Variants in FAT4 observed in about 807,000 individuals in gnomAD.
FAT4 encodes FAT atypical cadherin 4.
FAT4 carries 84 observed loss-of-function variants against 303.9 expected under a neutral mutation model. That is an observed-to-expected ratio of 0.28 (90% CI 0.23 to 0.33). The LOEUF (loss-of-function observed/expected upper bound fraction) is 0.33, where lower values mean the gene tolerates loss of function less well. Among genes scored for constraint, FAT4 ranks in the 10% least tolerant of loss-of-function variants. The pLI, the probability that FAT4 is intolerant of heterozygous loss-of-function variation, is 1.00. For missense variants in FAT4, 6,005 were observed against 6,146.8 expected, an observed-to-expected ratio of 0.98 and a Z score of 0.77; for synonymous variants, 2,307 against 2,298.8, an observed-to-expected ratio of 1.00 and a Z score of -0.10.
At chr4:125,352,044 G>A (rs753737784) in intron 2 of FAT4, among the ~76,000 whole-genome samples, 1 of 151,588 alleles carries the variant, frequency 6.6e-6, no homozygotes, top group Non-Finnish European at 1.5e-5. Context: ...ATTTATTGTA[G>A]TATAACTTTT....
At chr4:125,466,143 C>T (rs530302199) in intron 11 of FAT4, among the ~76,000 whole-genome samples, 154 of 152,282 alleles carry the variant, frequency 1.0e-3, no homozygotes, top group African/African-American at 3.6e-3. Flanking sequence ...ATTTAAATTA[C>T]ATCTTAGGAA....
chr4:125,436,506 T>A (rs1433718842), intron 8 of FAT4, among the ~76,000 whole-genome samples: 1 of 152,148 alleles, frequency 6.6e-6, no homozygotes, highest in Non-Finnish European at 1.5e-5. Flanking sequence ...TTAAAACCAA[T>A]AAACTGAATG....
At chr4:125,364,626 A>G (rs1213256348) in intron 2 of FAT4, among the ~76,000 whole-genome samples, 1 of 152,046 alleles carries the variant, frequency 6.6e-6, no homozygotes, top group Non-Finnish European at 1.5e-5. Context: ...AGTGGTCAGG[A>G]GTCAGTTTTC....
intron 2 of FAT4, among the ~76,000 whole-genome samples, chr4:125,394,364 C>T (rs1049575057): frequency 3.3e-5 from 5 of 152,128 alleles, no homozygotes; most frequent in Non-Finnish European, 7.4e-5. Context: ...CCAGTCTAAA[C>T]AAATGTAAAG....
At position 125,450,777 on chromosome 4, in the gene FAT4, G is replaced by A; in HGVS notation, c.9767G>A (p.Gly3256Asp). ...AACACAGGAGTCATAACCACTCAAG[G>A]CTTCTTGGATTTTGAAACCAAGCAG... is the stretch of plus-strand genomic sequence containing the variant. ...DPNTGVITTQGFLDFETKQSY... is the reference protein window; with the variant it reads ...DPNTGVITTQDFLDFETKQSY... Residue 3256 changes from glycine (G) to aspartate (D), a missense_variant, in exon 10 of 18, where the codon GGC becomes GAC. Gly to Asp is a moderately conservative substitution (Grantham distance 94). Transcript: ENST00000394329. 1 of 1,614,050 alleles carries A rather than the reference G, an allele frequency of 6.2e-7. No individual in the cohort carries two copies. Among genetic ancestry groups the A allele is most frequent in the Non-Finnish European group, 8.5e-7 (1 of 1,179,998 alleles).
At chr4:125,371,148 C>CAAAAAAA (rs1197394937) in intron 2 of FAT4, among the ~76,000 whole-genome samples, 1 of 98,010 alleles carries the variant, frequency 1.0e-5, no homozygotes, top group African/African-American at 4.0e-5. Flanking sequence ...AACTCCATCT[C>CAAAAAAA]AAAAAAAAAA....
At chr4:125,378,331 T>C (rs1293930284) in intron 2 of FAT4, among the ~76,000 whole-genome samples, 2 of 152,102 alleles carry the variant, frequency 1.3e-5, no homozygotes, top group Non-Finnish European at 2.9e-5. Context: ...ATTTATCACC[T>C]ATAACAGACA....
chr4:125,356,549 G>GTTTTTTTTTTT (rs57855830), intron 2 of FAT4, among the ~76,000 whole-genome samples: 10 of 131,440 alleles, frequency 7.6e-5, no homozygotes, highest in Non-Finnish European at 1.3e-4. Context: ...TTTGTTTTTT[G>GTTTTTTTTTTT]TTTTTTTTTT....
Position 125,449,794 on chromosome 4 carries a change from G to T in FAT4, c.8784G>T (p.Glu2928Asp), listed in dbSNP as rs906201217. 1.2e-6 allele frequency: 2 copies of T among 1,613,778 alleles called. No homozygotes were observed. Among genetic ancestry groups the T allele is most frequent in the Non-Finnish European group, 1.7e-6 (2 of 1,179,896 alleles). ...EYFRINATTG[E>D]IFNKQILKYQ... is the part of the protein sequence containing the mutation. ...TCAGGATTAATGCCACCACTGGAGA[G>T]ATTTTCAATAAACAGATCTTAAAAT... is the stretch of plus-strand genomic sequence containing the variant. The change falls in exon 10 of 18, where the codon GAG (glutamate) becomes GAT (aspartate). Residue 2928 changes from glutamate to aspartate, a missense_variant. Transcript: ENST00000394329.
At chr4:125,432,229 T>G (rs751947919) in intron 7 of FAT4, among the ~76,000 whole-genome samples, 4 of 152,108 alleles carry the variant, frequency 2.6e-5, no homozygotes, top group Non-Finnish European at 4.4e-5. Context: ...TTCCAGCTTC[T>G]TGTCAGTGGT....
chr4:125,345,523 ATGT>A (rs1344719735), intron 2 of FAT4, among the ~76,000 whole-genome samples: 1 of 151,544 alleles, frequency 6.6e-6, no homozygotes, highest in African/African-American at 2.4e-5. Flanking sequence ...AATTTTGTTG[ATGT>A]TGTTATTACT....
intron 7 of FAT4, among the ~76,000 whole-genome samples, chr4:125,428,755 A>T (rs1725184595): frequency 6.6e-6 from 1 of 152,174 alleles, no homozygotes; most frequent in Non-Finnish European, 1.5e-5. Context: ...TACTAATTGT[A>T]ATTAGGTTTT....
At chr4:125,407,489 T>A (rs574041036) in intron 4 of FAT4, among the ~76,000 whole-genome samples, 279 of 143,370 alleles carry the variant, frequency 1.9e-3, no homozygotes, top group African/African-American at 6.9e-3. Context: ...AAAAAAAAAA[T>A]ACATGAAAAA....
chr4:125,429,365 T>C (rs1209965869), intron 7 of FAT4, among the ~76,000 whole-genome samples: 1 of 152,200 alleles, frequency 6.6e-6, no homozygotes, highest in African/African-American at 2.4e-5. Flanking sequence ...TAATTATTCC[T>C]GTTTTCAATT....
chr4:125,412,627 T>A (rs1734888782), intron 5 of FAT4, among the ~76,000 whole-genome samples: 1 of 151,862 alleles, frequency 6.6e-6, no homozygotes, highest in African/African-American at 2.4e-5. Context: ...TGGGATCGTG[T>A]TCTCTTTTTG....
chr4:125,318,561 A>G lies in FAT4; in HGVS notation c.2150A>G (p.Asp717Gly), dbSNP rs770396155. 1 of 1,614,170 alleles carries G rather than the reference A, an allele frequency of 6.2e-7. No homozygotes were observed. The highest frequency in any genetic ancestry group is 1.1e-5 in the South Asian group (1 of 91,084). Residue 717 changes from aspartate to glycine, a missense_variant, in exon 2 of 18, where the codon GAC (aspartate) becomes GGC (glycine). Coordinates refer to ENST00000394329, the MANE Select transcript of FAT4 (RefSeq NM_001291303.3). ...YITTVSATDP[D>G]LGTNGTVKYS... ...ACCACTGTGTCTGCCACTGACCCAG[A>G]CTTGGGTACCAATGGTACTGTCAAA...
At position 125,446,559 on chromosome 4, in the gene FAT4, C is replaced by T; in HGVS notation, c.7450+16C>T. The T allele has an allele frequency of 6.3e-7, 1 of 1,596,158 alleles. No individual in the cohort carries two copies. The highest frequency in any genetic ancestry group is 8.6e-7 in the Non-Finnish European group (1 of 1,166,776). On this transcript the variant is annotated intron_variant, in intron 9 of 17. Transcript: ENST00000394329. ...ACTCTTCCAGGTAATCAACCAAATT[C>T]TGAGGCCACATGGATATAAACAAAC...
Position 125,492,796 on chromosome 4 carries a change from G to A in FAT4, c.*1028G>A, listed in dbSNP as rs1727697014. 6.6e-6 allele frequency: 1 copy of A among 152,300 alleles called. No individual in the cohort carries two copies. Among genetic ancestry groups the A allele is most frequent in the African/African-American group, 2.4e-5 (1 of 41,352 alleles). The allele number at this position is 152,300 out of a possible 1,614,324, so 9.4% of individuals were successfully genotyped here. A position where few individuals can be genotyped will look rare whatever the true frequency, so the allele number is the denominator to read the frequency against. ...ATGCTGAATAGTTTTCTTACTTTCAGGGAAGGTAAGAAAATACTTTTTTTA... is the reference window on the plus strand; with the variant it reads ...ATGCTGAATAGTTTTCTTACTTTCAAGGAAGGTAAGAAAATACTTTTTTTA... On this transcript the variant is annotated 3_prime_UTR_variant, in exon 18 of 18. Coordinates refer to ENST00000394329, the MANE Select transcript of FAT4 (RefSeq NM_001291303.3).
At chr4:125,468,458 A>G in intron 11 of FAT4, 54 bp from the exon 12 acceptor site, 2 of 1,235,506 alleles carry the variant, frequency 1.6e-6, no homozygotes, top group Non-Finnish European at 2.2e-6. Flanking sequence ...ATCAAAATAT[A>G]TAATAAAATT....
Sources: allele counts gnomAD v4.1 joint callset (sites outside exome capture counted in the v4.1 genomes callset), GRCh38; gene constraint gnomAD v4.1.1; transcripts MANE v1.5; gene names NCBI Gene and HGNC (gene_info 2026-07-23, HGNC 2026-07-21).